ARF3: variants seen among roughly 807,000 people sequenced by gnomAD.
The protein encoded by ARF3 is ADP-ribosylation factor 3.
ARF3 carries 5 observed loss-of-function variants against 19.3 expected under a neutral mutation model. The ratio of observed to expected loss-of-function variants is 0.26; its 90% CI spans 0.14 to 0.54. The LOEUF (loss-of-function observed/expected upper bound fraction) is 0.54, where lower values mean the gene tolerates loss of function less well. Ranked by LOEUF, ARF3 falls within the 20% of genes least tolerant of loss-of-function variation. ARF3 has a pLI of 0.95. For synonymous variants in ARF3, 71 were observed against 89.2 expected, an observed-to-expected ratio of 0.80 and a Z score of 1.15; for missense variants, 77 against 234.2, an observed-to-expected ratio of 0.33 and a Z score of 4.38.
chr12:48,940,160 A>C (rs1235778718), intron 2 of ARF3, 53 bp from the exon 3 acceptor site: 1 of 1,436,822 alleles, frequency 7.0e-7, no homozygotes, highest in African/African-American at 1.4e-5. Flanking sequence ...TAGCCCCGCA[A>C]ACACCACCAC....
Position 48,938,822 on chromosome 12 carries a change from G to T in ARF3, c.*125C>A. On this transcript the variant is annotated 3_prime_UTR_variant, in exon 5 of 5. Transcript: ENST00000256682. Reference sequence around the variant, plus strand: ...GGCAGGGGAGGCAAGGCTCTTGCTGGGCATGTGGACATGATACCCAGGGCC... The same window carrying T: ...GGCAGGGGAGGCAAGGCTCTTGCTGTGCATGTGGACATGATACCCAGGGCC... 1 of 1,262,788 alleles carries T rather than the reference G, an allele frequency of 7.9e-7. No homozygotes were observed. 78.2% of individuals were successfully genotyped at this position (1,262,788 alleles called of 1,614,324 possible). A position where few individuals can be genotyped will look rare whatever the true frequency, so the allele number is the denominator to read the frequency against.
chr12:48,942,501 C>T (rs1940277762), intron 1 of ARF3, among the ~76,000 whole-genome samples: 1 of 152,096 alleles, frequency 6.6e-6, no homozygotes, highest in African/African-American at 2.4e-5. Flanking sequence ...ACCAAAGAGG[C>T]CTCCCACAAC....
Position 48,936,367 on chromosome 12 carries a change from G to C in ARF3, c.*2580C>G, listed in dbSNP as rs556129454. On this transcript the variant is annotated 3_prime_UTR_variant, in exon 5 of 5. Transcript: ENST00000256682. ...TAACACCACAGACAAACTTTGGGGT[G>C]GGGGGAGCGGGAGTCCTCAGGAAGC... 3 of 152,758 alleles carry C rather than the reference G, an allele frequency of 2.0e-5. No individual in the cohort carries two copies. The highest frequency in any genetic ancestry group is 6.5e-5 in the Admixed American group (1 of 15,290). The allele number at this position is 152,758 out of a possible 1,614,324, so 9.5% of individuals were successfully genotyped here. A position where few individuals can be genotyped will look rare whatever the true frequency, so the allele number is the denominator to read the frequency against.
rs913426135 is a variant in ARF3, at chr12:48,939,242, T to C, written c.385-134A>G. ...TTTTAGGAAACCCAGAACAAGATCCTAAGGAGCTACTTTGGATTTAGTCAC... is the reference window on the plus strand; with the variant it reads ...TTTTAGGAAACCCAGAACAAGATCCCAAGGAGCTACTTTGGATTTAGTCAC... On this transcript the variant is annotated intron_variant, in intron 4 of 4. Transcript: ENST00000256682. The surrounding 1 kb of genome is among the most constrained non-coding windows in gnomAD (Gnocchi z 4.8). 4 of 1,037,690 alleles carry C rather than the reference T, an allele frequency of 3.9e-6. No individual in the cohort carries two copies. Among genetic ancestry groups the C allele is most frequent in the Non-Finnish European group, 5.5e-6 (4 of 733,438 alleles). 64.3% of individuals were successfully genotyped at this position (1,037,690 alleles called of 1,614,324 possible). A position where few individuals can be genotyped will look rare whatever the true frequency, so the allele number is the denominator to read the frequency against.
At chr12:48,957,175 C>G (rs1450876524) in intron 1 of ARF3, 135 bp downstream of exon 1, 1 of 151,626 alleles carries the variant, frequency 6.6e-6, no homozygotes, top group African/African-American at 2.4e-5. Context: ...TCTCTGAGCT[C>G]TCGGGTGGGA....
intron 1 of ARF3, 94 bp from the exon 2 acceptor site, chr12:48,941,282 T>C (rs1940252315): frequency 3.1e-6 from 2 of 652,298 alleles, no homozygotes; most frequent in Admixed American, 3.4e-5. Context: ...AGTTCATTCA[T>C]GACAAACGGA....
chr12:48,936,794 G>GA lies in ARF3; in HGVS notation c.*2152dup, dbSNP rs947806869. The GA allele has an allele frequency of 6.6e-6, 1 of 152,142 alleles. No individual in the cohort carries two copies. The highest frequency in any genetic ancestry group is 1.5e-5 in the Non-Finnish European group (1 of 68,034). 9.4% of individuals were successfully genotyped at this position (152,142 alleles called of 1,614,324 possible). A position where few individuals can be genotyped will look rare whatever the true frequency, so the allele number is the denominator to read the frequency against. Reference sequence around the variant, plus strand: ...AGATAGAGTGGAAAATCCTAAGTAGGAAAAAATACATGGAAAAGGGCAAAT... The same window carrying GA: ...AGATAGAGTGGAAAATCCTAAGTAGGAAAAAAATACATGGAAAAGGGCAAAT... On this transcript the variant is annotated 3_prime_UTR_variant, in exon 5 of 5. Coordinates refer to ENST00000256682, the MANE Select transcript of ARF3 (RefSeq NM_001659.3).
intron 1 of ARF3, among the ~76,000 whole-genome samples, chr12:48,942,123 C>T (rs78957171): frequency 0.13 from 19,242 of 152,026 alleles, 1,786 homozygotes; most frequent in African/African-American, 0.26. Flanking sequence ...ACCCAAGGCC[C>T]AAACCATGGC....
intron 1 of ARF3, among the ~76,000 whole-genome samples, chr12:48,951,606 G>A (rs1443002995): frequency 2.6e-5 from 4 of 151,654 alleles, no homozygotes; most frequent in African/African-American, 7.3e-5. Context: ...TAGGCCGGGC[G>A]CGGTGGCTCA....
Position 48,939,614 on chromosome 12 carries a change from GT to G in ARF3, c.384+40del. The G allele has an allele frequency of 6.2e-7, 1 of 1,613,208 alleles. No homozygotes were observed. The stretch of plus-strand genomic sequence containing the variant: ...CAAGAGCCAACAATTTCCACAGCCA[GT>G]TTGCTGTCTCCCAAATTCAGGGGTG... On this transcript the variant is annotated intron_variant, in intron 4 of 4. Coordinates refer to ENST00000256682, the MANE Select transcript of ARF3 (RefSeq NM_001659.3). This position sits in a 1 kb window ranked among gnomAD's most constrained non-coding sequence, Gnocchi z 4.8.
rs747313793 is a variant in ARF3 at position 48,936,500 on chromosome 12, G to A, written c.*2447C>T. ...CCCAATCCCAAAAGAGCTGTTAAGT[G>A]AATGGGAATGTAGAAAGGACCACCC... is the stretch of plus-strand genomic sequence containing the variant. On this transcript the variant is annotated 3_prime_UTR_variant, in exon 5 of 5. Coordinates refer to ENST00000256682, the MANE Select transcript of ARF3 (RefSeq NM_001659.3). The A allele has an allele frequency of 1.1e-4, 17 of 152,690 alleles. No homozygotes were observed. The highest frequency in any genetic ancestry group is 3.9e-4 in the African/African-American group (16 of 41,428). The allele number at this position is 152,690 out of a possible 1,614,324, so 9.5% of individuals were successfully genotyped here.
rs11547436 is a variant in ARF3 at position 48,937,457 on chromosome 12, G to A, written c.*1490C>T. The stretch of plus-strand genomic sequence containing the variant: ...AAGTGCCCCCTGCAGACAGAGAGAC[G>A]CAGTAGCAACAGCTTCTGAACAACT... On this transcript the variant is annotated 3_prime_UTR_variant, in exon 5 of 5. Transcript: ENST00000256682. The A allele has an allele frequency of 0.13, 19,370 of 152,578 alleles. 1,813 individuals carry two copies. The highest frequency in any genetic ancestry group is 0.26 in the African/African-American group (10,861 of 41,506). The allele number at this position is 152,578 out of a possible 1,614,324, so 9.5% of individuals were successfully genotyped here.
chr12:48,938,197 G>C lies in ARF3; in HGVS notation c.*750C>G. 2.8e-6 allele frequency: 1 copy of C among 351,292 alleles called. No homozygotes were observed. The highest frequency in any genetic ancestry group is 2.1e-5 in the South Asian group (1 of 47,646). The allele number at this position is 351,292 out of a possible 1,614,324, so 21.8% of individuals were successfully genotyped here. On this transcript the variant is annotated 3_prime_UTR_variant, in exon 5 of 5. Transcript: ENST00000256682. ...ATGCCATCCTCCAGCCCTAAGAAGG[G>C]TGGAGAGAAGAGTACAAGGAAAATG...
At chr12:48,951,840 T>C (rs777401775) in intron 1 of ARF3, among the ~76,000 whole-genome samples, 1 of 151,370 alleles carries the variant, frequency 6.6e-6, no homozygotes, top group East Asian at 1.9e-4. Flanking sequence ...GATCGTGCCA[T>C]TGCACTCCAG....
At chr12:48,955,324 C>T (rs940401208) in intron 1 of ARF3, among the ~76,000 whole-genome samples, 1 of 152,144 alleles carries the variant, frequency 6.6e-6, no homozygotes, top group Non-Finnish European at 1.5e-5. Flanking sequence ...TATATTGGTC[C>T]CTCCTCCAAA....
In ARF3 at chr12:48,939,943, G is replaced by A. The variant is rs1010661705; in HGVS notation, c.259+54C>T. Reference sequence around the variant, plus strand: ...TAACAGTTGGCCACCCATTAACAAAGACAGCCACACTCTCTGCTCATACCC... The same window carrying A: ...TAACAGTTGGCCACCCATTAACAAAAACAGCCACACTCTCTGCTCATACCC... On this transcript the variant is annotated intron_variant, in intron 3 of 4. Transcript: ENST00000256682. The surrounding 1 kb of genome is among the most constrained non-coding windows in gnomAD (Gnocchi z 4.8). 1.3e-4 allele frequency: 210 copies of A among 1,592,108 alleles called. No homozygotes were observed. The highest frequency in any genetic ancestry group is 1.7e-4 in the Non-Finnish European group (192 of 1,160,408).
At chr12:48,952,017 T>C (rs537272217) in intron 1 of ARF3, among the ~76,000 whole-genome samples, 30 of 152,136 alleles carry the variant, frequency 2.0e-4, no homozygotes, top group East Asian at 1.9e-4. Flanking sequence ...CCAATGGGGA[T>C]AGAACATACA....
In ARF3 at chr12:48,940,991, G is replaced by A. The variant is rs755485518; in HGVS notation, c.105C>T (p.Tyr35=). The change falls in exon 2 of 5, where the codon TAC becomes TAT. Residue 35 remains tyrosine (Y), a synonymous_variant. Coordinates refer to ENST00000256682, the MANE Select transcript of ARF3 (RefSeq NM_001659.3). ...LDAAGKTTIL[Y]KLKLGEIVTT... The stretch of plus-strand genomic sequence containing the variant: ...TGACGATCTCCCCGAGTTTCAGCTT[G>A]TATAGGATGGTGGTCTTTCCTGCGG... 6.2e-7 allele frequency: 1 copy of A among 1,613,408 alleles called. No individual in the cohort carries two copies. Among genetic ancestry groups the A allele is most frequent in the Admixed American group, 1.7e-5 (1 of 59,942 alleles).
Position 48,936,554 on chromosome 12 carries a change from T to G in ARF3, c.*2393A>C, listed in dbSNP as rs1201001838. 6.6e-6 allele frequency: 1 copy of G among 152,660 alleles called. No homozygotes were observed. Among genetic ancestry groups the G allele is most frequent in the African/African-American group, 2.4e-5 (1 of 41,434 alleles). The allele number at this position is 152,660 out of a possible 1,614,324, so 9.5% of individuals were successfully genotyped here. On this transcript the variant is annotated 3_prime_UTR_variant, in exon 5 of 5. Transcript: ENST00000256682. ...CCAAGGGCTTAGCAGCCAGGGATACTACCAAGATCACTTACTGCCCCCTGC... is the reference window on the plus strand; with the variant it reads ...CCAAGGGCTTAGCAGCCAGGGATACGACCAAGATCACTTACTGCCCCCTGC...
Sources: allele counts gnomAD v4.1 joint callset (sites outside exome capture counted in the v4.1 genomes callset), GRCh38; gene constraint gnomAD v4.1.1; non-coding constraint Gnocchi (gnomAD v3.1); transcripts MANE v1.5; gene names NCBI Gene and HGNC (gene_info 2026-07-23, HGNC 2026-07-21).